The following RIN3 variants were observed in gnomAD, a reference collection of about 807,000 sequenced individuals.
RIN3 encodes RAB5 interacting protein 3.
A neutral mutation model predicts 76.3 loss-of-function variants in RIN3; 54 were observed. That is an observed-to-expected ratio of 0.71 (90% CI 0.57 to 0.89). The LOEUF (loss-of-function observed/expected upper bound fraction) is 0.89, where lower values mean the gene tolerates loss of function less well. Among genes scored for constraint, RIN3 ranks in the 40% least tolerant of loss-of-function variants. RIN3 has a pLI of 0.00. For missense variants in RIN3, 1,256 were observed against 1,322.1 expected, an observed-to-expected ratio of 0.95 and a Z score of 0.78; for synonymous variants, 576 against 564.0, an observed-to-expected ratio of 1.02 and a Z score of -0.30.
In RIN3 at chr14:92,652,559, C is replaced by T. The variant is rs754005359; in HGVS notation, c.1510C>T (p.Pro504Ser). 1 of 1,613,242 alleles carries T rather than the reference C, an allele frequency of 6.2e-7. No individual in the cohort carries two copies. The change falls in exon 6 of 10, where the codon CCT becomes TCT. Residue 504 changes from proline to serine, a missense_variant. By Grantham distance (74) the Pro-to-Ser change is moderately conservative (BLOSUM62 -1). This residue lies in a region of RIN3 where 428 missense variants were observed against 521.2 expected (regional missense o/e 0.82). Coordinates refer to ENST00000216487, the MANE Select transcript of RIN3 (RefSeq NM_024832.5). This position sits in a 1 kb window ranked among gnomAD's most constrained non-coding sequence, Gnocchi z 6.4. ...TPGPPREGQSPASQAGTQHPP... is the reference protein window; with the variant it reads ...TPGPPREGQSSASQAGTQHPP... ...GGGTCCACCCAGAGAGGGCCAAAGC[C>T]CTGCTTCTCAGGCTGGGACTCAGCA...
chr14:92,589,781 G>C (rs192773667), intron 3 of RIN3, among the ~76,000 whole-genome samples: 1 of 152,206 alleles, frequency 6.6e-6, no homozygotes, highest in African/African-American at 2.4e-5. Context: ...TGACGTGGGT[G>C]TTCAGGATTA....
intron 5 of RIN3, among the ~76,000 whole-genome samples, chr14:92,649,390 T>C (rs1204917505): frequency 1.3e-5 from 2 of 151,970 alleles, no homozygotes; most frequent in Non-Finnish European, 2.9e-5. Flanking sequence ...GAGGCAACTT[T>C]GTTGGGCCTG....
At position 92,688,113 on chromosome 14, in the gene RIN3, C is replaced by T. The variant is rs759158028; in HGVS notation, c.2819C>T (p.Pro940Leu). 7.5e-6 allele frequency: 12 copies of T among 1,608,906 alleles called. No individual in the cohort carries two copies. The highest frequency in any genetic ancestry group is 1.7e-4 in the Middle Eastern group (1 of 6,052). Reference protein sequence around the residue: ...RCFQLADDALPHCIKGYLLRS... With the variant: ...RCFQLADDALLHCIKGYLLRS... ...TTCCAGCTGGCGGACGACGCGCTGC[C>T]GCACTGCATCAAGGGCTACCTGCTG... is the stretch of plus-strand genomic sequence containing the variant. The change falls in exon 10 of 10, where the codon CCG (proline) becomes CTG (leucine). Residue 940 changes from proline to leucine, a missense_variant. Physicochemically the swap from Pro to Leu is moderately conservative, Grantham distance 98. Around this residue, in one of 3 missense-constraint regions of RIN3, gnomAD observed 218 missense variants for 174.5 expected, o/e 1.25. Transcript: ENST00000216487.
intron 4 of RIN3, among the ~76,000 whole-genome samples, chr14:92,638,096 G>T (rs1886841052): frequency 6.6e-6 from 1 of 152,198 alleles, no homozygotes; most frequent in African/African-American, 2.4e-5. Context: ...CTGGACGGAA[G>T]AGGTGCAGTG....
rs113900992 is a variant in RIN3 at position 92,640,631 on chromosome 14, C to T, written c.441-607C>T. On this transcript the variant is annotated intron_variant, in intron 4 of 9. Coordinates refer to ENST00000216487, the MANE Select transcript of RIN3 (RefSeq NM_024832.5). ...GTTCATCGGGGGCTGCCTGACTGTG[C>T]GTTTGCTGGGAGATGCCTGACTGTG... Among the ~76,000 whole-genome samples, 8 of 23,932 alleles carry T rather than the reference C, an allele frequency of 3.3e-4. No individual in the cohort carries two copies. The East Asian group carries it at 5.2e-3, about 16-fold the overall frequency. 15.7% of individuals were successfully genotyped at this position (23,932 alleles called of 152,430 possible). A position where few individuals can be genotyped will look rare whatever the true frequency, so the allele number is the denominator to read the frequency against.
At chr14:92,552,952 C>A (rs931357009) in intron 1 of RIN3, among the ~76,000 whole-genome samples, 21 of 151,392 alleles carry the variant, frequency 1.4e-4, no homozygotes, top group Non-Finnish European at 3.1e-4. Flanking sequence ...TAAGCACAGC[C>A]CGAGTGAATG....
intron 7 of RIN3, among the ~76,000 whole-genome samples, chr14:92,661,819 A>C (rs981618405): frequency 2.0e-5 from 3 of 152,070 alleles, no homozygotes; most frequent in Admixed American, 6.6e-5. Flanking sequence ...CCATATTAAC[A>C]CTTTATCCTG....
At chr14:92,604,320 G>T (rs1414734057) in intron 3 of RIN3, among the ~76,000 whole-genome samples, 1 of 152,214 alleles carries the variant, frequency 6.6e-6, no homozygotes, top group Non-Finnish European at 1.5e-5. Flanking sequence ...GGCCTTTCCT[G>T]TCAGGGACCC....
intron 7 of RIN3, among the ~76,000 whole-genome samples, chr14:92,663,502 G>C (rs1319723908): frequency 6.6e-6 from 1 of 152,244 alleles, no homozygotes; most frequent in East Asian, 1.9e-4. Context: ...GAGACTCTGA[G>C]ACGTGAAGGT....
At chr14:92,599,178 C>T (rs1470786962) in intron 3 of RIN3, among the ~76,000 whole-genome samples, 1 of 152,122 alleles carries the variant, frequency 6.6e-6, no homozygotes, top group East Asian at 1.9e-4. Flanking sequence ...CTGGGGAACC[C>T]CAGCGAAGGA....
Position 92,514,054 on chromosome 14 carries a change from C to T in RIN3, c.44+78C>T. 1.0e-6 allele frequency: 1 copy of T among 999,854 alleles called. No individual in the cohort carries two copies. Among genetic ancestry groups the T allele is most frequent in the Non-Finnish European group, 1.3e-6 (1 of 774,468 alleles). 61.9% of individuals were successfully genotyped at this position (999,854 alleles called of 1,614,324 possible). Reference sequence around the variant, plus strand: ...CTGGCCGCCCCACTCCACTTCTTGTCCCAGAGAGTCCTTCGGGCGCGTGAC... The same window carrying T: ...CTGGCCGCCCCACTCCACTTCTTGTTCCAGAGAGTCCTTCGGGCGCGTGAC... On this transcript the variant is annotated intron_variant, in intron 1 of 9. Coordinates refer to ENST00000216487, the MANE Select transcript of RIN3 (RefSeq NM_024832.5). This position sits in a 1 kb window ranked among gnomAD's most constrained non-coding sequence, Gnocchi z 7.2.
chr14:92,596,822 C>T lies in RIN3; in HGVS notation c.368-18585C>T, dbSNP rs138852675. On this transcript the variant is annotated intron_variant, in intron 3 of 9. Coordinates refer to ENST00000216487, the MANE Select transcript of RIN3 (RefSeq NM_024832.5). ...TCAACTTCCAGGTCTGACTCTCCCT[C>T]GTAACAACTGAGTGGAGGTGGGTTT... Among the ~76,000 whole-genome samples, 339 of 152,292 alleles carry T rather than the reference C, an allele frequency of 2.2e-3. 1 individual carries two copies. Among genetic ancestry groups the T allele is most frequent in the Non-Finnish European group, 3.4e-3 (232 of 68,024 alleles).
chr14:92,578,961 CT>C (rs1898345811), intron 3 of RIN3, among the ~76,000 whole-genome samples: 1 of 151,328 alleles, frequency 6.6e-6, no homozygotes, highest in African/African-American at 2.4e-5. Context: ...GAGTTTCGCT[CT>C]TGTTGCCCAG....
chr14:92,518,590 A>C (rs957870903), intron 1 of RIN3, among the ~76,000 whole-genome samples: 1 of 152,044 alleles, frequency 6.6e-6, no homozygotes. Context: ...CAACTCCCCT[A>C]ATTTTATCCT....
chr14:92,611,307 G>A (rs1885725674), intron 3 of RIN3, among the ~76,000 whole-genome samples: 1 of 151,716 alleles, frequency 6.6e-6, no homozygotes, highest in Non-Finnish European at 1.5e-5. Context: ...TTTTTTTGGA[G>A]ACAGAGTCTC....
At chr14:92,557,926 G>T (rs1897643165) in intron 2 of RIN3, among the ~76,000 whole-genome samples, 1 of 152,254 alleles carries the variant, frequency 6.6e-6, no homozygotes, top group South Asian at 2.1e-4. Flanking sequence ...AGAAGGACAT[G>T]TGCAGGGCAG....
At chr14:92,521,896 T>A (rs58497471) in intron 1 of RIN3, among the ~76,000 whole-genome samples, 3 of 152,096 alleles carry the variant, frequency 2.0e-5, no homozygotes, top group African/African-American at 4.8e-5. Context: ...AGAGCTGGCA[T>A]GTGAATTGGA....
intron 1 of RIN3, among the ~76,000 whole-genome samples, chr14:92,528,681 C>A (rs2140001472): frequency 6.6e-6 from 1 of 152,334 alleles, no homozygotes; most frequent in East Asian, 1.9e-4. Flanking sequence ...TTGCTTCTTC[C>A]ATTCATGCAG....
chr14:92,520,795 GT>G (rs1896577338), intron 1 of RIN3, among the ~76,000 whole-genome samples: 1 of 152,192 alleles, frequency 6.6e-6, no homozygotes, highest in Non-Finnish European at 1.5e-5. Flanking sequence ...GGAACAAGCT[GT>G]CAAGAAAGAG....
Sources: gnomAD v4.1 joint callset for allele counts (sites outside exome capture counted in the v4.1 genomes callset) on GRCh38, gnomAD v4.1.1 for gene constraint, gnomAD v4.1.1 regional missense constraint, Gnocchi (gnomAD v3.1) non-coding constraint, MANE v1.5 for transcripts, NCBI Gene and HGNC (gene_info 2026-07-23, HGNC 2026-07-21) for gene names.